PKD1: variants seen among roughly 807,000 people sequenced by gnomAD.
PKD1 encodes the protein polycystin 1, transient receptor potential channel interacting, also known as polycystin-1.
PKD1 carries 81 observed loss-of-function variants against 361.7 expected under a neutral mutation model. The ratio of observed to expected loss-of-function variants is 0.22; its 90% CI spans 0.19 to 0.27. The LOEUF (loss-of-function observed/expected upper bound fraction) is 0.27. PKD1 is among the 10% of genes least tolerant of loss of function. The pLI is 1.00. For missense variants in PKD1, 6,399 were observed against 6,118.3 expected, an observed-to-expected ratio of 1.05 and a Z score of -1.53; for synonymous variants, 3,615 against 2,818.3, an observed-to-expected ratio of 1.28 and a Z score of -8.95.
In PKD1 at chr16:2,109,105, A is replaced by G. The variant is rs2092435927; in HGVS notation, c.6062T>C (p.Leu2021Pro). 1.2e-6 allele frequency: 2 copies of G among 1,603,228 alleles called. No individual in the cohort carries two copies. The highest frequency in any genetic ancestry group is 1.1e-5 in the South Asian group (1 of 90,922). The change falls in exon 15 of 46, where the codon CTG becomes CCG. Residue 2021 changes from leucine to proline, a missense_variant. Physicochemically the swap from Leu to Pro is moderately conservative, Grantham distance 98 (BLOSUM62 -3). Transcript: ENST00000262304. Reference sequence around the variant, plus strand: ...CGTGTAGGTGACGTCGCGGCCCGACAGGATGACCAGCGAGTCGCCCTGGAC... The same window carrying G: ...CGTGTAGGTGACGTCGCGGCCCGACGGGATGACCAGCGAGTCGCCCTGGAC... ...QKVQGDSLVI[L>P]SGRDVTYTPV...
At chr16:2,115,187 G>A (rs2092610088) in intron 10 of PKD1, 191 bp downstream of exon 10, 2 of 641,856 alleles carry the variant, frequency 3.1e-6, no homozygotes. Context: ...CTCGTGCCAA[G>A]GGCCCAGGCG....
At position 2,100,606 on chromosome 16, in the gene PKD1, G is replaced by A. The variant is rs998594483; in HGVS notation, c.9398-40C>T. 1.2e-5 allele frequency: 18 copies of A among 1,559,404 alleles called. No individual in the cohort carries two copies. In the South Asian group the frequency reaches 1.2e-4, roughly 11 times the overall value. Reference sequence around the variant, plus strand: ...GGAGGGGTGGGAGGCTCGGTCTGCTGCCCAACACGTGTGGCATCCCAGGCA... The same window carrying A: ...GGAGGGGTGGGAGGCTCGGTCTGCTACCCAACACGTGTGGCATCCCAGGCA... On this transcript the variant is annotated intron_variant, in intron 26 of 45. Transcript: ENST00000262304. This position sits in a 1 kb window ranked among gnomAD's most constrained non-coding sequence, Gnocchi z 4.4.
intron 1 of PKD1, among the ~76,000 whole-genome samples, chr16:2,128,693 G>A (rs1209822017): frequency 1.3e-5 from 2 of 152,132 alleles, no homozygotes; most frequent in Admixed American, 1.3e-4. Flanking sequence ...CGGGGAGAGG[G>A]TGCGGACTCT....
At chr16:2,099,258 G>C in intron 30 of PKD1, 1 of 356,912 alleles carries the variant, frequency 2.8e-6, no homozygotes, top group South Asian at 2.2e-5. Flanking sequence ...CACCACACCC[G>C]GCCCGGCCAC....
chr16:2,092,233 A>G lies in PKD1; in HGVS notation c.11270-45T>C, dbSNP rs1401000256. The G allele has an allele frequency of 3.2e-6, 5 of 1,543,810 alleles. No individual in the cohort carries two copies. The East Asian group carries it at 1.2e-4, about 38-fold the overall frequency. On this transcript the variant is annotated intron_variant, in intron 39 of 45. Coordinates refer to ENST00000262304, the MANE Select transcript of PKD1 (RefSeq NM_001009944.3). ...AGGCCGGGGCCAGGGCCTCATCAAA[A>G]CCCAACAGGAGTGTTTCCTGCTGGC...
intron 13 of PKD1, 54 bp downstream of exon 13, chr16:2,112,734 G>A (rs1355953751): frequency 6.4e-7 from 1 of 1,562,786 alleles, no homozygotes; most frequent in Non-Finnish European, 8.7e-7. Context: ...GGCTGAGGCT[G>A]GGGCTGGGAC....
At chr16:2,121,275 G>T (rs150997513) in intron 1 of PKD1, among the ~76,000 whole-genome samples, 22 of 151,970 alleles carry the variant, frequency 1.4e-4, no homozygotes, top group African/African-American at 4.8e-4. Context: ...TTAGGCAGGA[G>T]AATCACTTGA....
At chr16:2,091,316 G>A (rs1172097871) in intron 42 of PKD1, 107 bp downstream of exon 42, 1 of 376,850 alleles carries the variant, frequency 2.7e-6, no homozygotes, top group Non-Finnish European at 3.2e-6. Flanking sequence ...GGGACGCTGC[G>A]AGGGGGCGGG....
At chr16:2,104,852 C>T (rs1386681659) in intron 21 of PKD1, among the ~76,000 whole-genome samples, 3 of 99,504 alleles carry the variant, frequency 3.0e-5, no homozygotes, top group Admixed American at 1.1e-4. Flanking sequence ...TGCAGCCCAC[C>T]GACCACACAA....
intron 24 of PKD1, 24 bp from the exon 25 acceptor site, chr16:2,102,657 C>T (rs780906425): frequency 3.0e-5 from 48 of 1,610,614 alleles, no homozygotes; most frequent in Middle Eastern, 2.2e-4. Context: ...GGGTAGCGGA[C>T]GTGAGCCCAG....
Position 2,090,213 on chromosome 16 carries a change from C to T in PKD1, c.12445-19G>A. ...GGCGGAACTGGGGGCGGCACAGGGG[C>T]TCAGTCAGTCCGGCTGCACCCTGGG... On this transcript the variant is annotated intron_variant, in intron 45 of 45. Transcript: ENST00000262304. 6.2e-7 allele frequency: 1 copy of T among 1,608,404 alleles called. No homozygotes were observed. Among genetic ancestry groups the T allele is most frequent in the South Asian group, 1.1e-5 (1 of 90,728 alleles).
chr16:2,123,901 G>A (rs2092759910), intron 1 of PKD1, among the ~76,000 whole-genome samples: 1 of 152,216 alleles, frequency 6.6e-6, no homozygotes, highest in African/African-American at 2.4e-5. Flanking sequence ...TTGTCGGGAG[G>A]AGTACACCCC....
rs774476595 is a variant in PKD1 at position 2,115,379 on chromosome 16, G to A, written c.2096C>T (p.Ser699Leu). 65 of 1,526,620 alleles carry A rather than the reference G, an allele frequency of 4.3e-5. No individual in the cohort carries two copies. The East Asian group carries it at 5.7e-4, about 13-fold the overall frequency. The allele number at this position is 1,526,620 out of a possible 1,614,324, so 94.6% of individuals were successfully genotyped here. Residue 699 changes from serine (S) to leucine (L), a missense_variant and splice_region_variant, in exon 10 of 46, where the codon TCG becomes TTG. Physicochemically the swap from Ser to Leu is moderately radical, Grantham distance 145 (BLOSUM62 -2). Transcript: ENST00000262304. Reference protein sequence around the residue: ...SVPAGPPAQYSVTLHGQDVLM... With the variant: ...SVPAGPPAQYLVTLHGQDVLM... ...CAGACCCAGGTCAGGGCCACACACC[G>A]AGTACTGCGCGGGGGGCCCCGCGGG...
Position 2,102,929 on chromosome 16 carries a change from A to G in PKD1, c.8833T>C (p.Tyr2945His), listed in dbSNP as rs2092156946. 1 of 1,608,932 alleles carries G rather than the reference A, an allele frequency of 6.2e-7. No homozygotes were observed. The highest frequency in any genetic ancestry group is 8.5e-7 in the Non-Finnish European group (1 of 1,179,754). The change falls in exon 24 of 46, where the codon TAC becomes CAC. Residue 2945 changes from tyrosine to histidine, a missense_variant. By Grantham distance (83) the Tyr-to-His change is moderately conservative. Transcript: ENST00000262304. ...TTGGGCCGGGGCTCCGAGTGTAGGT[A>G]GACTGCCAGGTAGGGCTCAGGTTCC... ...SEEPEPYLAV[Y>H]LHSEPRPNEH...
Position 2,089,317 on chromosome 16 carries a change from A to G in PKD1, c.*410T>C, listed in dbSNP as rs946172953. ...CACACAGTGAGACGGTGCAGGGAGT[A>G]CGGTAGGAACTGGAGAGGTAATAAC... On this transcript the variant is annotated 3_prime_UTR_variant, in exon 46 of 46. Coordinates refer to ENST00000262304, the MANE Select transcript of PKD1 (RefSeq NM_001009944.3). 1.5e-5 allele frequency: 4 copies of G among 273,682 alleles called. No homozygotes were observed. The highest frequency in any genetic ancestry group is 9.7e-5 in the Admixed American group (2 of 20,532). The allele number at this position is 273,682 out of a possible 1,614,324, so 17.0% of individuals were successfully genotyped here. A position where few individuals can be genotyped will look rare whatever the true frequency, so the allele number is the denominator to read the frequency against.
At chr16:2,104,338 G>A (rs1423725312) in intron 22 of PKD1, among the ~76,000 whole-genome samples, 160 bp downstream of exon 22, 5 of 82,934 alleles carry the variant, frequency 6.0e-5, no homozygotes, top group Non-Finnish European at 1.2e-4. Flanking sequence ...GGAGGGGGAG[G>A]AGAATGGGAA....
chr16:2,089,748 C>A lies in PKD1; in HGVS notation c.12891G>T (p.Lys4297Asn). The change falls in exon 46 of 46, where the codon AAG becomes AAT. Residue 4297 changes from lysine (K) to asparagine (N), a missense_variant. Lys to Asn is a moderately conservative substitution (Grantham distance 94). Transcript: ENST00000262304. ...PSRTPLRAKNKVHPSST is the reference protein window; with the variant it reads ...PSRTPLRAKNNVHPSST ...AGGACTAAGTGCTGCTGGGGTGGACCTTGTTCTTGGCCCGAAGGGGTGTCC... is the reference window on the plus strand; with the variant it reads ...AGGACTAAGTGCTGCTGGGGTGGACATTGTTCTTGGCCCGAAGGGGTGTCC... 6.3e-7 allele frequency: 1 copy of A among 1,589,126 alleles called. No homozygotes were observed. The highest frequency in any genetic ancestry group is 1.1e-5 in the South Asian group (1 of 87,630).
chr16:2,120,577 CTG>C (rs1376137825), intron 1 of PKD1, among the ~76,000 whole-genome samples: 1 of 152,206 alleles, frequency 6.6e-6, no homozygotes, highest in African/African-American at 2.4e-5. Flanking sequence ...TAGTGTGTAA[CTG>C]TAGTTCCAGC....
intron 1 of PKD1, among the ~76,000 whole-genome samples, chr16:2,121,087 C>A (rs866627553): frequency 6.6e-6 from 1 of 151,716 alleles, no homozygotes; most frequent in African/African-American, 2.4e-5. Context: ...GGGAAAGAGC[C>A]GGGTGCAATG....
Sources: allele counts gnomAD v4.1 joint callset (sites outside exome capture counted in the v4.1 genomes callset), GRCh38; gene constraint gnomAD v4.1.1; non-coding constraint Gnocchi (gnomAD v3.1); transcripts MANE v1.5; gene names NCBI Gene and HGNC (gene_info 2026-07-23, HGNC 2026-07-21).